Variants in RAF1 observed in about 807,000 individuals in gnomAD.
RAF1 encodes the protein Raf-1 proto-oncogene, serine/threonine kinase.
A neutral mutation model predicts 81.1 loss-of-function variants in RAF1; 27 were observed. That is an observed-to-expected ratio of 0.33 (90% CI 0.25 to 0.46). RAF1 has a LOEUF of 0.46. Among genes scored for constraint, RAF1 ranks in the 20% least tolerant of loss-of-function variants. The pLI, the probability that RAF1 is intolerant of heterozygous loss-of-function variation, is 1.00. For synonymous variants in RAF1, 298 were observed against 294.0 expected, an observed-to-expected ratio of 1.01 and a Z score of -0.14; for missense variants, 598 against 826.0, an observed-to-expected ratio of 0.72 and a Z score of 3.38.
chr3:12,587,225 C>T (rs990018611), intron 14 of RAF1: 9 of 288,194 alleles, frequency 3.1e-5, no homozygotes, highest in African/African-American at 6.6e-5. Flanking sequence ...GACATACACA[C>T]GCTGGCCACA....
intron 1 of RAF1, among the ~76,000 whole-genome samples, chr3:12,623,721 G>A (rs2059615673): frequency 6.6e-6 from 1 of 150,908 alleles, no homozygotes; most frequent in African/African-American, 2.4e-5. Context: ...ATGAACCTGG[G>A]AGGCGGAGCT....
intron 1 of RAF1, among the ~76,000 whole-genome samples, chr3:12,651,501 G>T (rs957552785): frequency 2.6e-4 from 40 of 151,930 alleles, no homozygotes; most frequent in African/African-American, 9.2e-4. Context: ...AGGCGTGGTG[G>T]CTCATGCCCA....
At position 12,590,833 on chromosome 3, in the gene RAF1, T is replaced by C; in HGVS notation, c.1395A>G (p.Leu465=). 1 of 1,613,974 alleles carries C rather than the reference T, an allele frequency of 6.2e-7. No homozygotes were observed. ...GAGCCGTCTGCCGGGCAATGTCAATTAGCTGGAACATCTGAAACTTGGTCT... is the reference window on the plus strand; with the variant it reads ...GAGCCGTCTGCCGGGCAATGTCAATCAGCTGGAACATCTGAAACTTGGTCT... Residue 465 remains leucine (L), a synonymous_variant, in exon 13 of 18, where the codon CTA becomes CTG. Transcript: ENST00000442415.
intron 1 of RAF1, among the ~76,000 whole-genome samples, chr3:12,640,741 T>C (rs1275965552): frequency 2.4e-5 from 1 of 41,568 alleles, no homozygotes; most frequent in African/African-American, 2.7e-4. Flanking sequence ...TGTGGAGAAA[T>C]AGAACACTTT....
chr3:12,655,917 A>G (rs775276316), intron 1 of RAF1, among the ~76,000 whole-genome samples: 4 of 152,036 alleles, frequency 2.6e-5, no homozygotes, highest in Non-Finnish European at 4.4e-5. Flanking sequence ...GGAACTGGGC[A>G]TAGGGAGGAA....
chr3:12,603,587 T>A, intron 7 of RAF1: 1 of 683,012 alleles, frequency 1.5e-6, no homozygotes. Flanking sequence ...AAAGGAAGTA[T>A]TTAAGTGTAT....
rs150138526 is a variant in RAF1, at chr3:12,605,380, G to A, written c.680+821C>T. ...TCAGCTCACTGCCTACCACGTTCAA[G>A]ATTCTCCTGCTTCAGCCTCCCAAGT... On this transcript the variant is annotated intron_variant, in intron 6 of 17. Transcript: ENST00000442415. 3.0e-3 allele frequency among the ~76,000 whole-genome samples: 463 copies of A among 151,846 alleles called. 5 individuals are homozygous for A. Among genetic ancestry groups the A allele is most frequent in the African/African-American group, 0.011 (447 of 41,410 alleles).
chr3:12,605,389 G>C (rs915779087), intron 6 of RAF1, among the ~76,000 whole-genome samples: 1 of 151,810 alleles, frequency 6.6e-6, no homozygotes, highest in Non-Finnish European at 1.5e-5. Context: ...AGATTCTCCT[G>C]CTTCAGCCTC....
chr3:12,626,139 C>T (rs937992335), intron 1 of RAF1, among the ~76,000 whole-genome samples: 7 of 150,510 alleles, frequency 4.7e-5, no homozygotes, highest in Admixed American at 1.3e-4. Flanking sequence ...TGGTGGTGCG[C>T]GCCTGTAATC....
rs1046233938 is a variant in RAF1 at position 12,609,149 on chromosome 3, T to C, written c.423+84A>G. 102 of 1,087,342 alleles carry C rather than the reference T, an allele frequency of 9.4e-5. 1 individual carries two copies. The highest frequency in any genetic ancestry group is 1.4e-4 in the Non-Finnish European group (97 of 700,456). The allele number at this position is 1,087,342 out of a possible 1,614,324, so 67.4% of individuals were successfully genotyped here. ...TAAACAATCCAACTATATATATATA[T>C]ACATACGCATATTACCTGAGAAATC... On this transcript the variant is annotated intron_variant, in intron 4 of 17. Transcript: ENST00000442415.
intron 3 of RAF1, among the ~76,000 whole-genome samples, chr3:12,611,363 C>A (rs1575587518): frequency 1.3e-5 from 2 of 152,094 alleles, no homozygotes; most frequent in South Asian, 4.2e-4. Flanking sequence ...GACTACAGGG[C>A]CGCACCACCA....
At chr3:12,643,466 TG>T (rs1211120649) in intron 1 of RAF1, among the ~76,000 whole-genome samples, 7 of 152,156 alleles carry the variant, frequency 4.6e-5, no homozygotes, top group African/African-American at 1.7e-4. Flanking sequence ...AGAAGCCGGG[TG>T]CAGTGGCTCA....
intron 11 of RAF1, among the ~76,000 whole-genome samples, chr3:12,593,641 A>G (rs2058592615): frequency 6.6e-6 from 1 of 152,058 alleles, no homozygotes; most frequent in Non-Finnish European, 1.5e-5. Context: ...ATGGATCCAT[A>G]TGGGACACCA....
chr3:12,589,579 C>T (rs2058436403), intron 13 of RAF1: 1 of 152,120 alleles, frequency 6.6e-6, no homozygotes. Flanking sequence ...GCCTGGGCAA[C>T]ATAGTGAGAC....
chr3:12,608,127 C>T (rs2059099859), intron 5 of RAF1, among the ~76,000 whole-genome samples: 1 of 152,140 alleles, frequency 6.6e-6, no homozygotes, highest in East Asian at 1.9e-4. Context: ...CTAGTACTGT[C>T]AAAAAAGGAC....
chr3:12,587,730 G>T (rs2058371734), intron 13 of RAF1, 93 bp from the exon 13 acceptor site: 1 of 1,075,180 alleles, frequency 9.3e-7, no homozygotes. Context: ...GCCACTGAAG[G>T]CCTGGCTCCA....
At position 12,585,813 on chromosome 3, in the gene RAF1, A is replaced by ATACAGAAACGCTTTAAGTTTGC; in HGVS notation, c.1478-15_1478-14insGCAAACTTAAAGCGTTTCTGTA. The ATACAGAAACGCTTTAAGTTTGC allele has an allele frequency of 6.4e-7, 1 of 1,564,800 alleles. No individual in the cohort carries two copies. Among genetic ancestry groups the ATACAGAAACGCTTTAAGTTTGC allele is most frequent in the Non-Finnish European group, 8.8e-7 (1 of 1,135,158 alleles). On this transcript the variant is annotated splice_polypyrimidine_tract_variant and intron_variant, in intron 14 of 17. Coordinates refer to ENST00000442415, the MANE Select transcript of RAF1 (RefSeq NM_001354689.3). The stretch of plus-strand genomic sequence containing the variant: ...GGAGAAATATATCTCAATGCTTGTT[A>ATACAGAAACGCTTTAAGTTTGC]AGGACTCTGGTTTCAAAAGAATGGT...
At position 12,635,833 on chromosome 3, in the gene RAF1, C is replaced by T. The variant is rs554073520; in HGVS notation, c.-26-17086G>A. Among the ~76,000 whole-genome samples, 222 of 150,258 alleles carry T rather than the reference C, an allele frequency of 1.5e-3. 1 individual carries two copies. The highest frequency in any genetic ancestry group is 5.0e-3 in the African/African-American group (205 of 40,850). Reference sequence around the variant, plus strand: ...CTAAAAATACAAAAAATTAGCCAGGCGTGGTGGCAGGCACCTGTAGTCCCA... The same window carrying T: ...CTAAAAATACAAAAAATTAGCCAGGTGTGGTGGCAGGCACCTGTAGTCCCA... On this transcript the variant is annotated intron_variant, in intron 1 of 17. Coordinates refer to ENST00000442415, the MANE Select transcript of RAF1 (RefSeq NM_001354689.3).
chr3:12,613,063 C>A (rs1337683778), intron 2 of RAF1, among the ~76,000 whole-genome samples: 2 of 152,138 alleles, frequency 1.3e-5, no homozygotes, highest in Non-Finnish European at 2.9e-5. Flanking sequence ...AATATATGTG[C>A]ACACCATACC....
Sources: gnomAD v4.1 joint callset for allele counts (sites outside exome capture counted in the v4.1 genomes callset) on GRCh38, gnomAD v4.1.1 for gene constraint, MANE v1.5 for transcripts, NCBI Gene and HGNC (gene_info 2026-07-23, HGNC 2026-07-21) for gene names.